PDE1A: variants seen among roughly 807,000 people sequenced by gnomAD.
PDE1A encodes phosphodiesterase 1A.
A neutral mutation model predicts 61.7 loss-of-function variants in PDE1A; 35 were observed. That is an observed-to-expected ratio of 0.57 (90% CI 0.43 to 0.75). PDE1A has a LOEUF of 0.75. Ranked by LOEUF, PDE1A falls within the 30% of genes least tolerant of loss-of-function variation. PDE1A has a pLI of 0.00. For missense variants in PDE1A, 597 were observed against 630.6 expected (o/e 0.95, Z 0.57); for synonymous variants, 232 against 213.2 (o/e 1.09, Z -0.77).
chr2:182,213,184 C>T (rs1312287586), intron 7 of PDE1A, among the ~76,000 whole-genome samples: 1 of 150,128 alleles, frequency 6.7e-6, no homozygotes, highest in African/African-American at 2.5e-5. Context: ...CAGGGTATTC[C>T]AACAGACCTG....
chr2:182,167,046 G>A (rs939676398), downstream of PDE1A, among the ~76,000 whole-genome samples: 1 of 152,078 alleles, frequency 6.6e-6, no homozygotes, highest in African/African-American at 2.4e-5. Context: ...ACAGTAAACC[G>A]TTCATGTTCT....
chr2:182,176,794 C>T (rs1344513221), intron 13 of PDE1A, among the ~76,000 whole-genome samples: 3 of 150,574 alleles, frequency 2.0e-5, no homozygotes, highest in Non-Finnish European at 4.4e-5. Context: ...CCAGTTTTTG[C>T]CCATTCAGTG....
At chr2:182,364,053 A>G (rs997952190) in intron 1 of PDE1A, among the ~76,000 whole-genome samples, 4 of 151,962 alleles carry the variant, frequency 2.6e-5, no homozygotes, top group Non-Finnish European at 4.4e-5. Flanking sequence ...CAGAGAAAAC[A>G]CATGACTATT....
the PDE1A span, among the ~76,000 whole-genome samples, chr2:182,654,132 G>A: frequency 6.6e-6 from 1 of 152,154 alleles, no homozygotes; most frequent in African/African-American, 2.4e-5. Context: ...ACTCTTGATT[G>A]ATAGAGATTG....
Position 182,487,673 on chromosome 2 carries a change from G to C in PDE1A, c.101+34603C>G, listed in dbSNP as rs1478659062. 2.6e-5 allele frequency among the ~76,000 whole-genome samples: 4 copies of C among 152,138 alleles called. No individual in the cohort carries two copies. The East Asian group carries it at 7.7e-4, about 29-fold the overall frequency. On this transcript the variant is annotated intron_variant, in intron 2 of 14. Transcript: ENST00000410103. Reference sequence around the variant, plus strand: ...GTGGTTGGGGTGTGGGGATGGGTAGGAGTGGGCCATGACTGCACATTGACA... The same window carrying C: ...GTGGTTGGGGTGTGGGGATGGGTAGCAGTGGGCCATGACTGCACATTGACA...
At chr2:182,266,414 A>T (rs1027737931) in intron 1 of PDE1A, among the ~76,000 whole-genome samples, 2 of 152,166 alleles carry the variant, frequency 1.3e-5, no homozygotes, top group Non-Finnish European at 2.9e-5. Flanking sequence ...ATGAAAGTAG[A>T]AGATAGAGTT....
At chr2:182,689,054 C>A in the PDE1A span, among the ~76,000 whole-genome samples, 1 of 152,108 alleles carries the variant, frequency 6.6e-6, no homozygotes, top group African/African-American at 2.4e-5. Context: ...TACAAAGAGA[C>A]GTAGACTCCC....
chr2:182,227,593 G>T (rs1443651021), intron 6 of PDE1A, among the ~76,000 whole-genome samples: 3 of 151,974 alleles, frequency 2.0e-5, no homozygotes, highest in Non-Finnish European at 4.4e-5. Context: ...TATGTTTTAG[G>T]CACTAGGTTA....
At chr2:182,221,575 A>G (rs185429035) in intron 7 of PDE1A, among the ~76,000 whole-genome samples, 1 of 152,154 alleles carries the variant, frequency 6.6e-6, no homozygotes, top group East Asian at 1.9e-4. Flanking sequence ...TCCAAACTGT[A>G]TCAATCTCTG....
intron 10 of PDE1A, among the ~76,000 whole-genome samples, chr2:182,194,881 T>TCACACA (rs55809632): frequency 0.015 from 2,126 of 144,924 alleles, 22 homozygotes; most frequent in African/African-American, 0.032. Flanking sequence ...TCTGAAATAT[T>TCACACA]CACACACACA....
chr2:182,212,906 G>C (rs1030089296), intron 7 of PDE1A, among the ~76,000 whole-genome samples: 10 of 151,842 alleles, frequency 6.6e-5, no homozygotes, highest in African/African-American at 2.2e-4. Flanking sequence ...GAACTGGGTG[G>C]AGCCCACCAC....
At chr2:182,673,753 A>T in the PDE1A span, among the ~76,000 whole-genome samples, 1 of 151,740 alleles carries the variant, frequency 6.6e-6, no homozygotes, top group African/African-American at 2.4e-5. Flanking sequence ...CAAATTTCTA[A>T]GATATATGCT....
intron 1 of PDE1A, among the ~76,000 whole-genome samples, chr2:182,314,793 A>G (rs372670872): frequency 6.0e-4 from 64 of 106,376 alleles, no homozygotes; most frequent in African/African-American, 1.6e-3. Flanking sequence ...TATATATCAA[A>G]GCTTATCAAA....
chr2:182,440,865 T>C (rs1684745871), intron 2 of PDE1A, among the ~76,000 whole-genome samples: 1 of 152,070 alleles, frequency 6.6e-6, no homozygotes, highest in Admixed American at 6.6e-5. Context: ...TTACTGTAGC[T>C]TTTAGTATGC....
At chr2:182,212,141 T>A (rs907167772) in intron 7 of PDE1A, among the ~76,000 whole-genome samples, 3 of 151,958 alleles carry the variant, frequency 2.0e-5, no homozygotes, top group African/African-American at 7.2e-5. Flanking sequence ...GTTGTAGGTT[T>A]TTTATAAATA....
At chr2:182,593,972 G>C in the PDE1A span, among the ~76,000 whole-genome samples, 42 of 152,174 alleles carry the variant, frequency 2.8e-4, no homozygotes, top group African/African-American at 9.7e-4. Flanking sequence ...CTATCCAGAA[G>C]TAATTTTTAT....
At chr2:182,662,603 C>T in the PDE1A span, among the ~76,000 whole-genome samples, 1 of 152,170 alleles carries the variant, frequency 6.6e-6, no homozygotes, top group East Asian at 1.9e-4. Context: ...ACTCCCTATT[C>T]GATAATTGGT....
the PDE1A span, among the ~76,000 whole-genome samples, chr2:182,610,003 G>A: frequency 0.01 from 1,562 of 151,842 alleles, 12 homozygotes; most frequent in South Asian, 0.024. Flanking sequence ...TAGGAGAATC[G>A]CTTGAACCCA....
chr2:182,516,017 G>C (rs1559533329), intron 2 of PDE1A, among the ~76,000 whole-genome samples: 1 of 150,540 alleles, frequency 6.6e-6, no homozygotes, highest in Non-Finnish European at 1.5e-5. Flanking sequence ...GTGAGGACAG[G>C]AATGGTCATG....
Sources: gnomAD v4.1 joint callset for allele counts (sites outside exome capture counted in the v4.1 genomes callset) on GRCh38, gnomAD v4.1.1 for gene constraint, MANE v1.5 for transcripts, NCBI Gene and HGNC (gene_info 2026-07-23, HGNC 2026-07-21) for gene names.